ESR1: variants seen among roughly 807,000 people sequenced by gnomAD.
ESR1 encodes estrogen receptor.
Under a neutral mutation model 52.7 loss-of-function variants are expected in ESR1, and 12 were observed. The ratio of observed to expected loss-of-function variants is 0.23; its 90% confidence interval spans 0.15 to 0.37. The LOEUF (loss-of-function observed/expected upper bound fraction) is 0.37. Ranked by LOEUF, ESR1 falls within the 10% of genes least tolerant of loss-of-function variation. The probability of loss-of-function intolerance (pLI) is 1.00; values close to 1 mark genes in which losing one functional copy is unlikely to be tolerated. For synonymous variants in ESR1, 305 were observed against 316.8 expected (o/e 0.96, Z 0.39); for missense variants, 584 against 779.7 (o/e 0.75, Z 2.99).
chr6:151,788,161 G>C (rs1281747108), intron 2 of ESR1, among the ~76,000 whole-genome samples: 2 of 152,138 alleles, frequency 1.3e-5, no homozygotes, highest in African/African-American at 4.8e-5. Flanking sequence ...ACTATCAACA[G>C]AGTAAACAGA....
chr6:151,839,186 TAAAA>T (rs1215802167), intron 1 of ESR1, among the ~76,000 whole-genome samples: 1 of 151,936 alleles, frequency 6.6e-6, no homozygotes, highest in East Asian at 1.9e-4. Context: ...AGAAGAGAAA[TAAAA>T]AAATCTTCTA....
chr6:151,802,463 AT>A (rs1184779906), upstream of ESR1, among the ~76,000 whole-genome samples: 2 of 152,110 alleles, frequency 1.3e-5, no homozygotes, highest in Non-Finnish European at 2.9e-5. Flanking sequence ...ATTTTCTTTC[AT>A]GTTTCTTTTG....
intron 2 of ESR1, among the ~76,000 whole-genome samples, chr6:151,707,727 T>C (rs1780291318): frequency 6.6e-6 from 1 of 152,110 alleles, no homozygotes; most frequent in South Asian, 2.1e-4. Flanking sequence ...TATTTTTTTT[T>C]ACTTCCTTTT....
chr6:151,664,703 A>G (rs1277689305), intron 1 of ESR1, among the ~76,000 whole-genome samples: 1 of 152,174 alleles, frequency 6.6e-6, no homozygotes, highest in Non-Finnish European at 1.5e-5. Flanking sequence ...CAGTAATCTA[A>G]ATTTCCCTAT....
intron 1 of ESR1, among the ~76,000 whole-genome samples, chr6:151,693,686 C>T (rs1291647890): frequency 6.6e-6 from 1 of 152,140 alleles, no homozygotes; most frequent in Non-Finnish European, 1.5e-5. Flanking sequence ...GGTGCTTTCT[C>T]AGCTCACTGC....
intron 2 of ESR1, among the ~76,000 whole-genome samples, chr6:151,778,123 C>T (rs1457585432): frequency 1.3e-5 from 2 of 152,242 alleles, no homozygotes; most frequent in Non-Finnish European, 1.5e-5. Context: ...TCACGACAGT[C>T]CTTGTTCTCA....
chr6:152,021,209 A>G (rs1227220844), intron 5 of ESR1, among the ~76,000 whole-genome samples: 1 of 152,166 alleles, frequency 6.6e-6, no homozygotes, highest in Non-Finnish European at 1.5e-5. Flanking sequence ...TAAGGCAGGC[A>G]GAAAAACGTG....
intron 2 of ESR1, among the ~76,000 whole-genome samples, chr6:151,728,480 A>G (rs1189917269): frequency 1.3e-5 from 2 of 152,198 alleles, no homozygotes; most frequent in Non-Finnish European, 2.9e-5. Flanking sequence ...ACCTTGAATA[A>G]TTTTCAAACT....
At chr6:151,759,604 G>A (rs1473069196) in intron 2 of ESR1, among the ~76,000 whole-genome samples, 2 of 152,232 alleles carry the variant, frequency 1.3e-5, no homozygotes, top group South Asian at 2.1e-4. Flanking sequence ...AGCTAGTTTA[G>A]TATCTCCTTA....
intron 3 of ESR1, among the ~76,000 whole-genome samples, chr6:151,898,654 G>A (rs1429599483): frequency 6.6e-6 from 1 of 151,980 alleles, no homozygotes; most frequent in Non-Finnish European, 1.5e-5. Context: ...ATCTTGCACC[G>A]CCCTTAATCC....
At chr6:152,118,244 T>C (rs1039070223) in intron 6 of ESR1, 3 of 152,230 alleles carry the variant, frequency 2.0e-5, no homozygotes, top group African/African-American at 7.2e-5. Context: ...TTTCCTCATT[T>C]GCCTTCATCC....
chr6:151,719,358 A>ATGG (rs1781288839), intron 2 of ESR1, among the ~76,000 whole-genome samples: 1 of 152,188 alleles, frequency 6.6e-6, no homozygotes, highest in African/African-American at 2.4e-5. Flanking sequence ...GGAAGGGTGC[A>ATGG]AGAGTACTGT....
intron 5 of ESR1, among the ~76,000 whole-genome samples, chr6:152,014,854 C>A (rs560713265): frequency 6.6e-6 from 1 of 152,204 alleles, no homozygotes; most frequent in South Asian, 2.1e-4. Context: ...CTTCCTGACT[C>A]ACCTTTCAGT....
intron 1 of ESR1, among the ~76,000 whole-genome samples, chr6:151,818,454 T>G (rs1158131650): frequency 6.6e-6 from 1 of 152,192 alleles, no homozygotes; most frequent in Non-Finnish European, 1.5e-5. Flanking sequence ...CCAATGTTGC[T>G]TTTCTATCAA....
At position 151,752,200 on chromosome 6, in the gene ESR1, G is replaced by A. The variant is rs1185437726; in HGVS notation, c.-71+50195G>A. Among the ~76,000 whole-genome samples, 7 of 152,156 alleles carry A rather than the reference G, an allele frequency of 4.6e-5. No homozygotes were observed. In the South Asian group the frequency reaches 1.0e-3, roughly 22 times the overall value. ...AATTAGCAGTAAGTGCCATGCACCT[G>A]CAGTTACTAGGAATTGAACCTCTTT... is the stretch of plus-strand genomic sequence containing the variant. On this transcript the variant is annotated intron_variant, in intron 2 of 2. Coordinates refer to the ESR1 transcript ENST00000404742.
intron 1 of ESR1, among the ~76,000 whole-genome samples, chr6:151,672,424 C>A (rs1778097098): frequency 1.3e-5 from 2 of 151,990 alleles, no homozygotes; most frequent in Non-Finnish European, 2.9e-5. Flanking sequence ...GTAGCCTCTG[C>A]CTTCCAGGTT....
chr6:151,920,510 A>G (rs1026166895), intron 3 of ESR1, among the ~76,000 whole-genome samples: 2 of 152,086 alleles, frequency 1.3e-5, no homozygotes, highest in African/African-American at 4.8e-5. Flanking sequence ...AGATTTTCTA[A>G]GTTTTCCTCT....
At position 152,068,602 on chromosome 6, in the gene ESR1, T is replaced by G. The variant is rs145205768; in HGVS notation, c.1369+7478T>G. 2.4e-4 allele frequency among the ~76,000 whole-genome samples: 36 copies of G among 152,366 alleles called. No homozygotes were observed. The East Asian group carries it at 6.6e-3, about 28-fold the overall frequency. On this transcript the variant is annotated intron_variant, in intron 6 of 7. Coordinates refer to ENST00000206249, the MANE Select transcript of ESR1 (RefSeq NM_000125.4). ...TTGACTTAATTGATGCAGAACACTC[T>G]GATATTAATGTCTTCATGTCTTTTG...
chr6:152,034,290 A>AATAAATAAATAAAT (rs2045062901), intron 5 of ESR1, among the ~76,000 whole-genome samples: 1 of 150,164 alleles, frequency 6.7e-6, no homozygotes. Context: ...AAGTACAATA[A>AATAAATAAATAAAT]AAATAAATAA....
Sources: gnomAD v4.1 joint callset for allele counts (sites outside exome capture counted in the v4.1 genomes callset) on GRCh38, gnomAD v4.1.1 for gene constraint, MANE v1.5 for transcripts, NCBI Gene and HGNC (gene_info 2026-07-23, HGNC 2026-07-21) for gene names.